Variants in UGP2 observed in about 807,000 individuals in gnomAD.
UGP2 encodes the protein UTP--glucose-1-phosphate uridylyltransferase.
Under a neutral mutation model 49.0 loss-of-function variants are expected in UGP2, and 40 were observed. The ratio of observed to expected loss-of-function variants is 0.82; its 90% CI spans 0.63 to 1.06. The LOEUF (loss-of-function observed/expected upper bound fraction) is 1.06, where lower values mean the gene tolerates loss of function less well. Ranked by LOEUF, UGP2 falls within the 50% of genes least tolerant of loss-of-function variation. UGP2 has a pLI of 0.00. For synonymous variants in UGP2, 225 were observed against 213.0 expected (o/e 1.06, Z -0.49); for missense variants, 460 against 603.5 (o/e 0.76, Z 2.49).
At chr2:63,862,208 C>T (rs1384225715) in intron 3 of UGP2, among the ~76,000 whole-genome samples, 1 of 151,836 alleles carries the variant, frequency 6.6e-6, no homozygotes, top group Non-Finnish European at 1.5e-5. Flanking sequence ...AAATGAGATT[C>T]TAAAAAGTAT....
chr2:63,891,312 TTACTA>T lies in UGP2; in HGVS notation c.*87_*91del. 3 of 1,116,236 alleles carry T rather than the reference TTACTA, an allele frequency of 2.7e-6. No individual in the cohort carries two copies. The highest frequency in any genetic ancestry group is 2.4e-5 in the East Asian group (1 of 41,060). 69.1% of individuals were successfully genotyped at this position (1,116,236 alleles called of 1,614,324 possible). On this transcript the variant is annotated 3_prime_UTR_variant, in exon 10 of 10. Transcript: ENST00000337130. ...TAGGATTCTAAAATAGGCAGGTACT[TTACTA>T]TGTTACTGTACCCTGCAGTGTTGAT...
At chr2:63,857,062 G>A (rs998777833) in intron 2 of UGP2, among the ~76,000 whole-genome samples, 2 of 152,174 alleles carry the variant, frequency 1.3e-5, no homozygotes, top group Middle Eastern at 3.2e-3. Flanking sequence ...CACTTTGGGA[G>A]ACCAAGGCAG....
At chr2:63,855,901 T>G (rs138130857) in intron 1 of UGP2, 86 of 228,510 alleles carry the variant, frequency 3.8e-4, no homozygotes, top group African/African-American at 1.9e-3. Flanking sequence ...TTCCGTCACC[T>G]TTAGTGAGAT....
intron 2 of UGP2, among the ~76,000 whole-genome samples, chr2:63,857,358 GTTTGTTTGTT>G (rs1452116569): frequency 4.0e-5 from 6 of 151,800 alleles, no homozygotes; most frequent in East Asian, 3.9e-4. Flanking sequence ...AATGGTGTTT[GTTTGTTTGTT>G]TTTGTTTGTT....
intron 3 of UGP2, among the ~76,000 whole-genome samples, chr2:63,863,638 A>G (rs1012784436): frequency 6.6e-6 from 1 of 152,216 alleles, no homozygotes; most frequent in Non-Finnish European, 1.5e-5. Flanking sequence ...AGTTTGATTT[A>G]CAAAAAAGTT....
Position 63,887,456 on chromosome 2 carries a change from A to G in UGP2, c.1126A>G (p.Ile376Val), listed in dbSNP as rs1157095799. The change falls in exon 8 of 10, where the codon ATC (isoleucine) becomes GTC (valine). Residue 376 changes from isoleucine (I) to valine (V), a missense_variant. By Grantham distance (29) the Ile-to-Val change is conservative. Around this residue, in one of 2 missense-constraint regions of UGP2, gnomAD observed 317 missense variants for 473.0 expected, o/e 0.67. Coordinates refer to ENST00000337130, the MANE Select transcript of UGP2 (RefSeq NM_006759.4). ...IQLETAVGAAIKSFENSLGIN... is the reference protein window; with the variant it reads ...IQLETAVGAAVKSFENSLGIN... The stretch of plus-strand genomic sequence containing the variant: ...ATTAGAAACTGCAGTAGGGGCTGCC[A>G]TCAAAAGTTTTGAGAATTCTCTAGG... 3.1e-6 allele frequency: 5 copies of G among 1,614,030 alleles called. No homozygotes were observed. The highest frequency in any genetic ancestry group is 4.2e-6 in the Non-Finnish European group (5 of 1,179,982).
At chr2:63,843,930 G>A (rs533027712) in intron 1 of UGP2, among the ~76,000 whole-genome samples, 2 of 151,770 alleles carry the variant, frequency 1.3e-5, no homozygotes, top group African/African-American at 4.8e-5. Flanking sequence ...TGTTGTCCAC[G>A]CTGGAGTACA....
At chr2:63,874,716 C>T (rs1256357222) in intron 3 of UGP2, among the ~76,000 whole-genome samples, 1 of 151,664 alleles carries the variant, frequency 6.6e-6, no homozygotes, top group African/African-American at 2.4e-5. Flanking sequence ...TGGCTTGGTG[C>T]TGTCCTTGTG....
In UGP2 at chr2:63,886,419, T is replaced by C; in HGVS notation, c.952T>C (p.Phe318Leu). Residue 318 changes from phenylalanine to leucine, a missense_variant, in exon 7 of 10, where the codon TTC (phenylalanine) becomes CTC (leucine). Coordinates refer to ENST00000337130, the MANE Select transcript of UGP2 (RefSeq NM_006759.4). ...AGTGCCAAAAGCACATGTAGACGAG[T>C]TCAAGTCTGTATCAAAGTTCAAAAT... Reference protein sequence around the residue: ...AQVPKAHVDEFKSVSKFKIFN... With the variant: ...AQVPKAHVDELKSVSKFKIFN... 6.2e-7 allele frequency: 1 copy of C among 1,614,126 alleles called. No individual in the cohort carries two copies. Among genetic ancestry groups the C allele is most frequent in the Non-Finnish European group, 8.5e-7 (1 of 1,180,012 alleles).
At chr2:63,877,999 C>CAAAAAAA (rs61669991) in intron 3 of UGP2, among the ~76,000 whole-genome samples, 1 of 67,884 alleles carries the variant, frequency 1.5e-5, no homozygotes, top group Non-Finnish European at 2.6e-5. Context: ...GACTCCGTCT[C>CAAAAAAA]AAAAAAAAAA....
chr2:63,863,919 G>A (rs1000937378), intron 3 of UGP2, among the ~76,000 whole-genome samples: 9 of 152,152 alleles, frequency 5.9e-5, no homozygotes, highest in African/African-American at 2.2e-4. Context: ...ATTTATAGAT[G>A]GGCTTATTTA....
chr2:63,880,171 CT>C (rs1671202087), intron 3 of UGP2, among the ~76,000 whole-genome samples: 3 of 147,224 alleles, frequency 2.0e-5, no homozygotes, highest in Non-Finnish European at 3.0e-5. Context: ...CCCCTTCCCC[CT>C]ACCCCTCCCC....
At chr2:63,880,911 T>TA (rs1490494168) in intron 3 of UGP2, among the ~76,000 whole-genome samples, 1 of 151,540 alleles carries the variant, frequency 6.6e-6, no homozygotes, top group African/African-American at 2.4e-5. Flanking sequence ...CCCCTCCTCT[T>TA]ATCTTTTCTG....
chr2:63,868,440 G>A (rs1243482369), intron 3 of UGP2, among the ~76,000 whole-genome samples: 1 of 152,158 alleles, frequency 6.6e-6, no homozygotes, highest in African/African-American at 2.4e-5. Flanking sequence ...TCACTTGAAG[G>A]AAATATTGTA....
intron 3 of UGP2, among the ~76,000 whole-genome samples, chr2:63,880,920 T>C (rs1671263001): frequency 6.6e-6 from 1 of 152,188 alleles, no homozygotes; most frequent in South Asian, 2.1e-4. Context: ...TTATCTTTTC[T>C]GTAACCAGCC....
intron 3 of UGP2, among the ~76,000 whole-genome samples, chr2:63,867,515 A>G (rs867885741): frequency 6.6e-6 from 1 of 152,238 alleles, no homozygotes; most frequent in African/African-American, 2.4e-5. Flanking sequence ...AAAGGATGCT[A>G]TCGTTACACA....
intron 5 of UGP2, 118 bp from the exon 6 acceptor site, chr2:63,885,465 AATTACT>A (rs1230997543): frequency 5.1e-6 from 4 of 786,422 alleles, no homozygotes; most frequent in Non-Finnish European, 7.3e-6. Flanking sequence ...CCTATAATTA[AATTACT>A]TATTGATAGA....
intron 3 of UGP2, among the ~76,000 whole-genome samples, chr2:63,878,651 C>G (rs939692499): frequency 6.6e-6 from 1 of 152,154 alleles, no homozygotes; most frequent in Non-Finnish European, 1.5e-5. Flanking sequence ...TGTGTAGCCT[C>G]TCAGGCTCAA....
intron 5 of UGP2, among the ~76,000 whole-genome samples, chr2:63,884,494 A>C (rs1356182350): frequency 1.3e-5 from 2 of 152,170 alleles, no homozygotes; most frequent in Non-Finnish European, 2.9e-5. Context: ...TCTGGAGGAA[A>C]TCTTTGGGGA....
Sources: allele counts gnomAD v4.1 joint callset (sites outside exome capture counted in the v4.1 genomes callset), GRCh38; gene constraint gnomAD v4.1.1; regional missense constraint gnomAD v4.1.1; transcripts MANE v1.5; gene names NCBI Gene and HGNC (gene_info 2026-07-23, HGNC 2026-07-21).